The following ATP13A3 variants were observed in gnomAD, a reference collection of about 807,000 sequenced individuals.
ATP13A3 encodes the protein polyamine-transporting ATPase 13A3.
ATP13A3 carries 59 observed loss-of-function variants against 158.1 expected under a neutral mutation model. The ratio of observed to expected loss-of-function variants is 0.37; its 90% confidence interval spans 0.30 to 0.46. ATP13A3 has a LOEUF of 0.46. Ranked by LOEUF, ATP13A3 falls within the 20% of genes least tolerant of loss-of-function variation. The pLI is 1.00. For missense variants in ATP13A3, 1,166 were observed against 1,525.2 expected (o/e 0.76, Z 3.92); for synonymous variants, 491 against 504.3 (o/e 0.97, Z 0.35).
chr3:194,472,924 C>T (rs751758175), intron 2 of ATP13A3, among the ~76,000 whole-genome samples: 8 of 152,260 alleles, frequency 5.3e-5, no homozygotes, highest in East Asian at 1.9e-4. Flanking sequence ...ACTATATGTT[C>T]TCACTTGTAA....
intron 2 of ATP13A3, among the ~76,000 whole-genome samples, chr3:194,483,790 C>T (rs921900712): frequency 2.6e-5 from 4 of 152,200 alleles, no homozygotes; most frequent in Non-Finnish European, 2.9e-5. Context: ...CTTCTGGCTA[C>T]TCCAGGCACA....
At chr3:194,426,011 C>T (rs1292968483) in intron 29 of ATP13A3, among the ~76,000 whole-genome samples, 1 of 152,156 alleles carries the variant, frequency 6.6e-6, no homozygotes, top group African/African-American at 2.4e-5. Context: ...TATGGCTGTC[C>T]CTCATTTCTA....
chr3:194,483,982 C>T (rs1720863035), intron 2 of ATP13A3, among the ~76,000 whole-genome samples: 1 of 151,524 alleles, frequency 6.6e-6, no homozygotes, highest in Non-Finnish European at 1.5e-5. Context: ...GAGTTGGCAG[C>T]TTATCACCTA....
chr3:194,459,682 T>C, intron 5 of ATP13A3, 107 bp downstream of exon 5: 3 of 1,267,634 alleles, frequency 2.4e-6, no homozygotes, highest in Non-Finnish European at 3.3e-6. Context: ...TGCAGGTAAA[T>C]TTATCTCAAG....
chr3:194,479,403 T>C (rs1015562427), intron 2 of ATP13A3, among the ~76,000 whole-genome samples: 7 of 152,104 alleles, frequency 4.6e-5, no homozygotes, highest in Non-Finnish European at 7.4e-5. Context: ...ATAATTAGCA[T>C]TAAATAGGTT....
At chr3:194,411,455 A>C (rs1316367356) in intron 33 of ATP13A3, among the ~76,000 whole-genome samples, 1 of 152,240 alleles carries the variant, frequency 6.6e-6, no homozygotes, top group Non-Finnish European at 1.5e-5. Flanking sequence ...GCTCTGATTC[A>C]TAGGATGGGT....
At chr3:194,435,706 A>G (rs1254394873) in intron 20 of ATP13A3, among the ~76,000 whole-genome samples, 2 of 152,180 alleles carry the variant, frequency 1.3e-5, no homozygotes, top group African/African-American at 4.8e-5. Context: ...CAGGAGTTCG[A>G]GACCAGCCTG....
chr3:194,484,398 G>A (rs562170505), intron 2 of ATP13A3, among the ~76,000 whole-genome samples: 44 of 152,086 alleles, frequency 2.9e-4, no homozygotes, highest in African/African-American at 1.0e-3. Flanking sequence ...ATAACGTGGT[G>A]GTTTTGTAAC....
intron 28 of ATP13A3, 128 bp from the exon 29 acceptor site, chr3:194,427,380 C>T (rs1204798531): frequency 1.3e-6 from 1 of 799,942 alleles, no homozygotes. Context: ...TACAAAAAAT[C>T]TTCAAAAACC....
chr3:194,432,511 C>T (rs535385931), intron 21 of ATP13A3, among the ~76,000 whole-genome samples: 1 of 152,290 alleles, frequency 6.6e-6, no homozygotes, highest in South Asian at 2.1e-4. Flanking sequence ...AATTTCCACA[C>T]ACTATTTCCA....
At chr3:194,454,641 C>T (rs1410317688) in intron 8 of ATP13A3, among the ~76,000 whole-genome samples, 1 of 151,828 alleles carries the variant, frequency 6.6e-6, no homozygotes, top group Non-Finnish European at 1.5e-5. Flanking sequence ...TCCTGGCTAA[C>T]ACGGTGAAAC....
chr3:194,431,077 G>C, intron 23 of ATP13A3, 27 bp downstream of exon 23: 1 of 1,613,296 alleles, frequency 6.2e-7, no homozygotes, highest in Middle Eastern at 1.7e-4. Flanking sequence ...ATTCATGTGA[G>C]CACACACATA....
intron 2 of ATP13A3, chr3:194,471,895 CA>C (rs60739288): frequency 0.044 from 6,665 of 152,440 alleles, 366 homozygotes; most frequent in African/African-American, 0.13. Context: ...CTTAACAGAA[CA>C]AAATGCAAAT....
At position 194,448,721 on chromosome 3, in the gene ATP13A3, T is replaced by C; in HGVS notation, c.971-85A>G. The C allele has an allele frequency of 8.0e-7, 1 of 1,252,046 alleles. No individual in the cohort carries two copies. The highest frequency in any genetic ancestry group is 2.5e-5 in the East Asian group (1 of 40,426). The allele number at this position is 1,252,046 out of a possible 1,614,324, so 77.6% of individuals were successfully genotyped here. On this transcript the variant is annotated intron_variant, in intron 11 of 33. Transcript: ENST00000645319. The surrounding 1 kb of genome is among the most constrained non-coding windows in gnomAD (Gnocchi z 4.0). ...AATCAGTATCGAACACCAAAAAATA[T>C]TAAATTGTTAAATATTTTAAATGCT...
intron 6 of ATP13A3, among the ~76,000 whole-genome samples, chr3:194,458,294 T>C (rs1485431547): frequency 6.6e-6 from 1 of 151,226 alleles, no homozygotes; most frequent in Non-Finnish European, 1.5e-5. Flanking sequence ...TTCTTCCCAC[T>C]GAATTTGATG....
intron 2 of ATP13A3, among the ~76,000 whole-genome samples, chr3:194,469,848 A>G (rs767739180): frequency 5.9e-4 from 90 of 152,224 alleles, no homozygotes; most frequent in Non-Finnish European, 3.2e-4. Context: ...TCCAGTTCAA[A>G]ATCAGTTCTA....
Position 194,454,409 on chromosome 3 carries a change from T to G in ATP13A3, c.631-17A>C. Reference sequence around the variant, plus strand: ...GTTGAGAACCTAAAAAACAAGATTTTAAAGTCAAACTGAATGAGGTATTAA... The same window carrying G: ...GTTGAGAACCTAAAAAACAAGATTTGAAAGTCAAACTGAATGAGGTATTAA... On this transcript the variant is annotated splice_polypyrimidine_tract_variant and intron_variant, in intron 8 of 33. Transcript: ENST00000645319. 1.9e-6 allele frequency: 3 copies of G among 1,601,600 alleles called. No homozygotes were observed. Among genetic ancestry groups the G allele is most frequent in the Non-Finnish European group, 2.6e-6 (3 of 1,170,964 alleles).
At chr3:194,476,245 GGCTCTTCTCTTTGTAACAATCTCA>G (rs891616785) in intron 2 of ATP13A3, among the ~76,000 whole-genome samples, 11 of 152,022 alleles carry the variant, frequency 7.2e-5, no homozygotes, top group Non-Finnish European at 2.9e-5. Context: ...ATATTCCTCA[GGCTCTTCTCTTTGTAACAATCTCA>G]TCAGGGGTGG....
intron 27 of ATP13A3, 35 bp downstream of exon 27, chr3:194,429,643 T>TA: frequency 1.3e-6 from 2 of 1,486,384 alleles, no homozygotes; most frequent in Non-Finnish European, 1.9e-6. Context: ...CGGTGCACAT[T>TA]AAGTGTTATC....
Sources: gnomAD v4.1 joint callset for allele counts (sites outside exome capture counted in the v4.1 genomes callset) on GRCh38, gnomAD v4.1.1 for gene constraint, Gnocchi (gnomAD v3.1) non-coding constraint, MANE v1.5 for transcripts, NCBI Gene and HGNC (gene_info 2026-07-23, HGNC 2026-07-21) for gene names.